Variants in NID1 observed in about 807,000 individuals in gnomAD.
NID1 encodes nidogen-1.
Under a neutral mutation model 130.6 loss-of-function variants are expected in NID1, and 76 were observed. The ratio of observed to expected loss-of-function variants is 0.58; its 90% confidence interval spans 0.48 to 0.70. The LOEUF is 0.70. NID1 is among the 30% of genes least tolerant of loss of function. The pLI is 0.00. For synonymous variants in NID1, 665 were observed against 675.1 expected, an observed-to-expected ratio of 0.98 and a Z score of 0.23; for missense variants, 1,517 against 1,664.8, an observed-to-expected ratio of 0.91 and a Z score of 1.54.
At chr1:236,008,690 G>A (rs1658322346) in intron 12 of NID1, among the ~76,000 whole-genome samples, 1 of 150,596 alleles carries the variant, frequency 6.6e-6, no homozygotes, top group African/African-American at 2.4e-5. Context: ...TTTTGAGACG[G>A]GATTTTGCTC....
rs746749324 is a variant in NID1, at chr1:236,064,917, G to T, written c.163C>A (p.Pro55Thr). The T allele has an allele frequency of 6.2e-7, 1 of 1,612,104 alleles. No individual in the cohort carries two copies. Among genetic ancestry groups the T allele is most frequent in the East Asian group, 2.2e-5 (1 of 44,800 alleles). Residue 55 changes from proline (P) to threonine (T), a missense_variant, in exon 1 of 20, where the codon CCT becomes ACT. This residue lies in a region of NID1 where 1,329 missense variants were observed against 1,429.2 expected (regional missense o/e 0.93). Coordinates refer to ENST00000264187, the MANE Select transcript of NID1 (RefSeq NM_002508.3). ...ELEDGDDFVS[P>T]ALELSGALRF... Reference sequence around the variant, plus strand: ...AGCGCCCCACTCAGCTCCAGGGCAGGAGAGACGAAGTCATCCCCGTCCTCC... The same window carrying T: ...AGCGCCCCACTCAGCTCCAGGGCAGTAGAGACGAAGTCATCCCCGTCCTCC...
intron 9 of NID1, among the ~76,000 whole-genome samples, 187 bp from the exon 10 acceptor site, chr1:236,017,460 A>G (rs530735746): frequency 1.3e-5 from 2 of 151,396 alleles, no homozygotes; most frequent in Non-Finnish European, 2.9e-5. Flanking sequence ...ATCTCGGTTC[A>G]CTGCAACCTC....
intron 13 of NID1, among the ~76,000 whole-genome samples, chr1:235,991,395 C>G (rs546869740): frequency 6.6e-6 from 1 of 151,986 alleles, no homozygotes; most frequent in Non-Finnish European, 1.5e-5. Context: ...TGCAATGGTG[C>G]GATCTTGGCT....
chr1:236,004,743 C>T (rs752112443), intron 12 of NID1, among the ~76,000 whole-genome samples: 88 of 114,328 alleles, frequency 7.7e-4, no homozygotes, highest in Non-Finnish European at 1.2e-3. Flanking sequence ...GCCTGGGCAA[C>T]AGAGCGAGAC....
intron 12 of NID1, among the ~76,000 whole-genome samples, chr1:235,998,021 T>C (rs1229931074): frequency 6.6e-6 from 1 of 152,154 alleles, no homozygotes; most frequent in Non-Finnish European, 1.5e-5. Context: ...CAGGACTGTT[T>C]GAGGAGTCAG....
intron 1 of NID1, 64 bp from the exon 2 acceptor site, chr1:236,049,053 C>T (rs1048607761): frequency 1.4e-6 from 2 of 1,479,804 alleles, no homozygotes; most frequent in Non-Finnish European, 9.3e-7. Context: ...TAAGACTGAG[C>T]ACCCACTCCT....
At chr1:236,046,321 T>C (rs573732856) in intron 2 of NID1, among the ~76,000 whole-genome samples, 2 of 152,270 alleles carry the variant, frequency 1.3e-5, no homozygotes, top group East Asian at 3.9e-4. Flanking sequence ...GGCTCATGCC[T>C]GTAATCCCAG....
chr1:236,023,780 C>A (rs1658839097), intron 9 of NID1, among the ~76,000 whole-genome samples: 1 of 152,128 alleles, frequency 6.6e-6, no homozygotes, highest in Non-Finnish European at 1.5e-5. Context: ...TTATCATTAA[C>A]AGCTCTGACT....
chr1:235,981,932 A>T, intron 15 of NID1, 150 bp from the exon 16 acceptor site: 7 of 721,092 alleles, frequency 9.7e-6, no homozygotes, highest in Non-Finnish European at 1.5e-5. Flanking sequence ...GTTGTTTATA[A>T]GATAAACAAC....
At chr1:236,017,519 G>A (rs1658635946) in intron 9 of NID1, among the ~76,000 whole-genome samples, 1 of 152,010 alleles carries the variant, frequency 6.6e-6, no homozygotes, top group Admixed American at 6.6e-5. Flanking sequence ...CCCAGTAGCT[G>A]GGATTACACG....
In NID1 at chr1:236,013,403, C is replaced by T. The variant is rs1007257317; in HGVS notation, c.2404+8G>A. The T allele has an allele frequency of 6.2e-7, 1 of 1,613,506 alleles. No individual in the cohort carries two copies. The highest frequency in any genetic ancestry group is 8.5e-7 in the Non-Finnish European group (1 of 1,179,978). ...TACACACAGGGGAAGATCAGAGCAA[C>T]CACACACCTTGGCAGGCTTGGCCAT... On this transcript the variant is annotated splice_region_variant and intron_variant, in intron 11 of 19. Transcript: ENST00000264187.
intron 1 of NID1, among the ~76,000 whole-genome samples, chr1:236,052,382 A>T (rs1156767290): frequency 6.6e-6 from 1 of 152,176 alleles, no homozygotes; most frequent in African/African-American, 2.4e-5. Context: ...ACTCAGGCAC[A>T]ATCCCCAAGG....
rs1411109347 is a variant in NID1 at position 235,977,863 on chromosome 1, G to A, written c.*4C>T. 2 of 1,613,818 alleles carry A rather than the reference G, an allele frequency of 1.2e-6. No individual in the cohort carries two copies. Among genetic ancestry groups the A allele is most frequent in the Admixed American group, 1.7e-5 (1 of 59,946 alleles). ...CTTGGAAAGGAAATAAGGCACTCTT[G>A]TCTTCATTTCTGTTCGATACAGTCA... On this transcript the variant is annotated 3_prime_UTR_variant, in exon 20 of 20. Coordinates refer to ENST00000264187, the MANE Select transcript of NID1 (RefSeq NM_002508.3).
chr1:236,045,942 A>G (rs1380505942), intron 2 of NID1, among the ~76,000 whole-genome samples: 6 of 152,232 alleles, frequency 3.9e-5, no homozygotes, highest in Admixed American at 3.9e-4. Context: ...CCTAAGGTTA[A>G]CCAAAAATTA....
At chr1:236,010,736 A>C (rs986228163) in intron 12 of NID1, among the ~76,000 whole-genome samples, 13 of 152,250 alleles carry the variant, frequency 8.5e-5, no homozygotes, top group Non-Finnish European at 1.0e-4. Context: ...ACAAAAACAG[A>C]CAGCCAGATT....
intron 12 of NID1, among the ~76,000 whole-genome samples, chr1:236,007,029 T>C (rs183429850): frequency 3.9e-5 from 6 of 152,092 alleles, no homozygotes; most frequent in Admixed American, 6.5e-5. Context: ...TTATTATTTT[T>C]AAATTTTTTT....
intron 5 of NID1, among the ~76,000 whole-genome samples, chr1:236,037,660 G>GAA (rs34826236): frequency 0.17 from 21,690 of 127,830 alleles, 2,805 homozygotes; most frequent in East Asian, 0.43. Flanking sequence ...TCTGTCTCAA[G>GAA]AAAAAAAAAA....
rs1429973418 is a variant in NID1, at chr1:235,993,765, C to T, written c.2635G>A (p.Asp879Asn). 4.3e-6 allele frequency: 7 copies of T among 1,614,062 alleles called. No homozygotes were observed. The highest frequency in any genetic ancestry group is 5.9e-6 in the Non-Finnish European group (7 of 1,180,006). ...GTGGGCGCGTAGTGCCCGTGCGCAT[C>T]GCACTCAGGAACGAACAGCCCCGGA... ...IPPGLFVPEC[D>N]AHGHYAPTQC... is the part of the protein sequence containing the mutation. The change falls in exon 13 of 20, where the codon GAT (aspartate) becomes AAT (asparagine). Residue 879 changes from aspartate to asparagine, a missense_variant. Transcript: ENST00000264187.
intron 1 of NID1, among the ~76,000 whole-genome samples, chr1:236,057,647 G>A (rs191345524): frequency 7.3e-5 from 11 of 151,382 alleles, no homozygotes; most frequent in African/African-American, 1.2e-4. Flanking sequence ...GCAGTGAGCC[G>A]AAATCTCGCC....
Sources: allele counts gnomAD v4.1 joint callset (sites outside exome capture counted in the v4.1 genomes callset), GRCh38; gene constraint gnomAD v4.1.1; regional missense constraint gnomAD v4.1.1; transcripts MANE v1.5; gene names NCBI Gene and HGNC (gene_info 2026-07-23, HGNC 2026-07-21).